Variants in ZNF536 observed in about 807,000 individuals in gnomAD.
ZNF536 encodes the protein zinc finger protein 536.
A neutral mutation model predicts 84.5 loss-of-function variants in ZNF536; 13 were observed. The observed-to-expected ratio is 0.15, with a 90% CI of 0.10 to 0.24. The LOEUF (loss-of-function observed/expected upper bound fraction) is 0.24. ZNF536 is among the 10% of genes least tolerant of loss of function. The probability of loss-of-function intolerance (pLI) is 1.00; values close to 1 mark genes in which losing one functional copy is unlikely to be tolerated. For missense variants in ZNF536, 1,536 were observed against 1,747.5 expected (o/e 0.88, Z 2.16); for synonymous variants, 811 against 742.5 (o/e 1.09, Z -1.50).
chr19:30,411,828 A>G (rs1220205767), intron 1 of ZNF536, among the ~76,000 whole-genome samples: 1 of 152,120 alleles, frequency 6.6e-6, no homozygotes, highest in Non-Finnish European at 1.5e-5. Flanking sequence ...TTGATAGATG[A>G]TCTTATTGAT....
chr19:30,627,075 G>C (rs1279613828), intron 1 of ZNF536, among the ~76,000 whole-genome samples: 1 of 152,108 alleles, frequency 6.6e-6, no homozygotes, highest in African/African-American at 2.4e-5. Flanking sequence ...GCTCCTTCCT[G>C]AGCCTGGAAG....
chr19:30,535,736 C>A lies in ZNF536; in HGVS notation c.2323+737C>A, dbSNP rs571778862. Among the ~76,000 whole-genome samples, 4 of 151,770 alleles carry A rather than the reference C, an allele frequency of 2.6e-5. No individual in the cohort carries two copies. In the East Asian group the frequency reaches 7.8e-4, roughly 29 times the overall value. On this transcript the variant is annotated intron_variant, in intron 3 of 4. Coordinates refer to ENST00000355537, the MANE Select transcript of ZNF536 (RefSeq NM_014717.3). ...ACATTGCCAATATAAAAAAAAAAATCTATCGGAGATATGGACACTTCCATT... is the reference window on the plus strand; with the variant it reads ...ACATTGCCAATATAAAAAAAAAAATATATCGGAGATATGGACACTTCCATT...
chr19:30,355,205 G>A (rs2048053617), intron 3 of ZNF536, among the ~76,000 whole-genome samples: 1 of 152,048 alleles, frequency 6.6e-6, no homozygotes, highest in Non-Finnish European at 1.5e-5. Context: ...TTTTACTCAC[G>A]GTGGAAGGTG....
intron 1 of ZNF536, among the ~76,000 whole-genome samples, chr19:30,576,514 T>TG (rs747992235): frequency 9.9e-5 from 15 of 152,192 alleles, no homozygotes; most frequent in Non-Finnish European, 1.9e-4. Flanking sequence ...TCTGACCTCC[T>TG]GGGGAATTGA....
chr19:30,287,953 A>G (rs2045707389), intron 2 of ZNF536, among the ~76,000 whole-genome samples: 2 of 152,238 alleles, frequency 1.3e-5, no homozygotes, highest in African/African-American at 4.8e-5. Context: ...TTGGCCTCCC[A>G]AACATTTTTT....
intron 1 of ZNF536, among the ~76,000 whole-genome samples, chr19:30,234,480 C>T (rs1255157232): frequency 7.0e-6 from 1 of 142,780 alleles, no homozygotes; most frequent in African/African-American, 2.6e-5. Context: ...TGGCTCACTG[C>T]AACCTCTGCC....
chr19:30,614,244 G>A (rs1206454077), intron 1 of ZNF536, among the ~76,000 whole-genome samples: 1 of 152,084 alleles, frequency 6.6e-6, no homozygotes, highest in Non-Finnish European at 1.5e-5. Context: ...AAAAATAATT[G>A]CGGTTTTTGC....
intron 1 of ZNF536, among the ~76,000 whole-genome samples, chr19:30,705,749 T>C (rs2052201194): frequency 6.6e-6 from 1 of 152,232 alleles, no homozygotes; most frequent in African/African-American, 2.4e-5. Flanking sequence ...ATTCTAGCAT[T>C]GTATAGACTT....
At chr19:30,419,211 G>A (rs764914437) in intron 1 of ZNF536, among the ~76,000 whole-genome samples, 50 of 152,124 alleles carry the variant, frequency 3.3e-4, no homozygotes, top group Non-Finnish European at 4.0e-4. Flanking sequence ...TCTTTTGAAA[G>A]CCTGAGTTTT....
At chr19:30,690,196 G>A (rs2051352233) in intron 1 of ZNF536, among the ~76,000 whole-genome samples, 1 of 152,180 alleles carries the variant, frequency 6.6e-6, no homozygotes, top group Admixed American at 6.5e-5. Context: ...GTATCAATGG[G>A]GAACAAATGC....
chr19:30,481,740 G>T (rs1001737024), intron 2 of ZNF536, among the ~76,000 whole-genome samples: 1 of 151,948 alleles, frequency 6.6e-6, no homozygotes, highest in African/African-American at 2.4e-5. Context: ...AAGTTGTTTA[G>T]TGGTGATTTC....
intron 4 of ZNF536, among the ~76,000 whole-genome samples, chr19:30,553,752 C>T (rs556451718): frequency 5.9e-5 from 9 of 152,312 alleles, no homozygotes; most frequent in African/African-American, 2.2e-4. Flanking sequence ...GTTGCATAAG[C>T]CCAGGAGTTC....
intron 1 of ZNF536, chr19:30,665,131 G>T (rs554021695): frequency 6.6e-6 from 1 of 152,388 alleles, no homozygotes; most frequent in South Asian, 2.1e-4. Flanking sequence ...ATGACCTGAG[G>T]TCAGGACTTC....
At chr19:30,400,669 C>T (rs1191879998) in intron 1 of ZNF536, among the ~76,000 whole-genome samples, 1 of 152,084 alleles carries the variant, frequency 6.6e-6, no homozygotes, top group African/African-American at 2.4e-5. Flanking sequence ...TCAAGTGATC[C>T]TCCCACTTCA....
chr19:30,414,053 A>G (rs2050609336), intron 1 of ZNF536, among the ~76,000 whole-genome samples: 1 of 136,510 alleles, frequency 7.3e-6, no homozygotes, highest in African/African-American at 2.7e-5. Flanking sequence ...AGATCATGCC[A>G]CTGCACTCCA....
chr19:30,599,059 TCCTC>T (rs1389946801), intron 1 of ZNF536, among the ~76,000 whole-genome samples: 2 of 106,980 alleles, frequency 1.9e-5, no homozygotes, highest in East Asian at 3.5e-4. Flanking sequence ...TCCCCATCTC[TCCTC>T]CCTCCCTCCC....
At chr19:30,247,177 T>C (rs140266583) in intron 1 of ZNF536, among the ~76,000 whole-genome samples, 4 of 152,348 alleles carry the variant, frequency 2.6e-5, no homozygotes, top group Non-Finnish European at 5.9e-5. Flanking sequence ...AAATAAGATA[T>C]GTATTCAAGG....
chr19:30,649,549 CTTTTTTT>C (rs35137042), intron 1 of ZNF536, among the ~76,000 whole-genome samples: 2 of 123,874 alleles, frequency 1.6e-5, no homozygotes, highest in South Asian at 2.6e-4. Flanking sequence ...CAGCATTTTC[CTTTTTTT>C]TTTTTTTTTT....
At chr19:30,697,161 TA>T (rs1291833751) in intron 1 of ZNF536, among the ~76,000 whole-genome samples, 1 of 152,060 alleles carries the variant, frequency 6.6e-6, no homozygotes, top group Admixed American at 6.5e-5. Flanking sequence ...CAAACACTTT[TA>T]AAACCATCAG....
Sources: gnomAD v4.1 joint callset for allele counts (sites outside exome capture counted in the v4.1 genomes callset) on GRCh38, gnomAD v4.1.1 for gene constraint, MANE v1.5 for transcripts, NCBI Gene and HGNC (gene_info 2026-07-23, HGNC 2026-07-21) for gene names.